Variants in PPP3CA observed in about 807,000 individuals in gnomAD.
The protein encoded by PPP3CA is CAM-PRP catalytic subunit.
Under a neutral mutation model 66.5 loss-of-function variants are expected in PPP3CA, and 14 were observed. The ratio of observed to expected loss-of-function variants is 0.21; its 90% CI spans 0.14 to 0.33. The LOEUF (loss-of-function observed/expected upper bound fraction) is 0.33. Ranked by LOEUF, PPP3CA falls within the 10% of genes least tolerant of loss-of-function variation. PPP3CA has a pLI of 1.00. For synonymous variants in PPP3CA, 232 were observed against 226.2 expected, an observed-to-expected ratio of 1.03 and a Z score of -0.23; for missense variants, 317 against 639.5, an observed-to-expected ratio of 0.50 and a Z score of 5.44.
intron 10 of PPP3CA, among the ~76,000 whole-genome samples, chr4:101,052,606 A>T (rs548368920): frequency 1.3e-5 from 2 of 150,816 alleles, no homozygotes; most frequent in African/African-American, 2.4e-5. Flanking sequence ...GGAAAACAAT[A>T]AAAAAAAAGC....
rs186365712 is a variant in PPP3CA at position 101,222,019 on chromosome 4, G to A, written c.59-25903C>T. On this transcript the variant is annotated intron_variant, in intron 1 of 13. Transcript: ENST00000394854. ...TTAACTTGTTTTTGTTTTCTTTAAC[G>A]ATCTATTGAATTTTTCTTATTACTT... Among the ~76,000 whole-genome samples the A allele has an allele frequency of 2.0e-5, 3 of 151,456 alleles. No homozygotes were observed. The South Asian group carries it at 6.2e-4, about 31-fold the overall frequency.
chr4:101,093,138 T>G (rs1396630137), intron 6 of PPP3CA, among the ~76,000 whole-genome samples: 1 of 152,202 alleles, frequency 6.6e-6, no homozygotes. Flanking sequence ...TTTTTAATGA[T>G]CGCCATTCTA....
At chr4:101,214,483 T>C (rs1725399204) in intron 1 of PPP3CA, among the ~76,000 whole-genome samples, 2 of 152,208 alleles carry the variant, frequency 1.3e-5, no homozygotes, top group South Asian at 2.1e-4. Flanking sequence ...AGTTGTGAGT[T>C]ACCAGAAAAA....
At chr4:101,186,656 G>A (rs536367230) in intron 2 of PPP3CA, among the ~76,000 whole-genome samples, 9 of 151,500 alleles carry the variant, frequency 5.9e-5, no homozygotes, top group African/African-American at 1.2e-4. Context: ...ATTTTCTTTC[G>A]AATTAAAACT....
At chr4:101,312,196 A>T (rs1728743325) in intron 1 of PPP3CA, among the ~76,000 whole-genome samples, 1 of 152,174 alleles carries the variant, frequency 6.6e-6, no homozygotes. Context: ...GCATATATGT[A>T]TTATATAATG....
intron 2 of PPP3CA, among the ~76,000 whole-genome samples, chr4:101,185,327 C>A (rs1416825088): frequency 6.6e-6 from 1 of 152,216 alleles, no homozygotes. Flanking sequence ...GGAGGACCAA[C>A]AGGAACTGAG....
At position 101,252,435 on chromosome 4, in the gene PPP3CA, T is replaced by C. The variant is rs894152022; in HGVS notation, c.59-56319A>G. 3.9e-4 allele frequency among the ~76,000 whole-genome samples: 60 copies of C among 152,200 alleles called. 1 individual carries two copies. Among genetic ancestry groups the C allele is most frequent in the African/African-American group, 1.4e-3 (58 of 41,450 alleles). Reference sequence around the variant, plus strand: ...ATTGTCATTGTGTCTTATCTTTTTTTCTGATTTATATGTGATTTTTCTCCC... The same window carrying C: ...ATTGTCATTGTGTCTTATCTTTTTTCCTGATTTATATGTGATTTTTCTCCC... On this transcript the variant is annotated intron_variant, in intron 1 of 13. Transcript: ENST00000394854.
At chr4:101,228,740 A>T (rs1305077481) in intron 1 of PPP3CA, among the ~76,000 whole-genome samples, 2 of 151,662 alleles carry the variant, frequency 1.3e-5, no homozygotes, top group African/African-American at 4.8e-5. Flanking sequence ...GGAACCTAAT[A>T]GAAGTGAACT....
intron 8 of PPP3CA, among the ~76,000 whole-genome samples, chr4:101,074,232 C>A (rs1346818149): frequency 1.3e-5 from 2 of 152,110 alleles, no homozygotes; most frequent in African/African-American, 4.8e-5. Context: ...GTGGTGGAAA[C>A]AGATATGCTA....
chr4:101,255,632 A>G (rs1236570133), intron 1 of PPP3CA, among the ~76,000 whole-genome samples: 2 of 151,942 alleles, frequency 1.3e-5, no homozygotes, highest in Non-Finnish European at 1.5e-5. Flanking sequence ...ACCAAAAGTA[A>G]GTAAATTCTG....
intron 10 of PPP3CA, among the ~76,000 whole-genome samples, chr4:101,049,383 A>G (rs932297426): frequency 1.3e-5 from 2 of 152,162 alleles, no homozygotes; most frequent in African/African-American, 2.4e-5. Flanking sequence ...TTTACCAAGG[A>G]AGCAATTAAG....
chr4:101,198,781 T>C lies in PPP3CA; in HGVS notation c.59-2665A>G, dbSNP rs181771113. ...CCAAGATCACTGCAATAACAGATGC[T>C]CCACCCTCCACTGCAGATCTTTTAC... On this transcript the variant is annotated intron_variant, in intron 1 of 13. Transcript: ENST00000394854. 5.9e-3 allele frequency among the ~76,000 whole-genome samples: 899 copies of C among 152,262 alleles called. 5 individuals are homozygous for C. Among genetic ancestry groups the C allele is most frequent in the Non-Finnish European group, 9.2e-3 (625 of 68,016 alleles).
At chr4:101,259,350 T>C (rs376414812) in intron 1 of PPP3CA, among the ~76,000 whole-genome samples, 1 of 88,718 alleles carries the variant, frequency 1.1e-5, no homozygotes, top group East Asian at 2.2e-4. Flanking sequence ...CATTCATTCA[T>C]TCAGCAAGCA....
intron 1 of PPP3CA, among the ~76,000 whole-genome samples, chr4:101,280,504 G>A (rs923075464): frequency 6.6e-6 from 1 of 152,090 alleles, no homozygotes; most frequent in East Asian, 1.9e-4. Flanking sequence ...AGGCACTGAG[G>A]AAAGATTCAA....
chr4:101,057,541 G>A (rs994386433), intron 10 of PPP3CA, among the ~76,000 whole-genome samples: 7 of 152,076 alleles, frequency 4.6e-5, no homozygotes, highest in South Asian at 2.1e-4. Flanking sequence ...TGTTCACACT[G>A]AACATGATCT....
intron 1 of PPP3CA, among the ~76,000 whole-genome samples, chr4:101,212,289 C>T (rs1005998526): frequency 1.4e-4 from 21 of 152,110 alleles, no homozygotes; most frequent in African/African-American, 5.1e-4. Flanking sequence ...ATAGCCTCAA[C>T]AGTGAGACCA....
intron 1 of PPP3CA, among the ~76,000 whole-genome samples, chr4:101,219,518 C>T (rs1470344146): frequency 6.6e-6 from 1 of 151,812 alleles, no homozygotes; most frequent in Non-Finnish European, 1.5e-5. Flanking sequence ...TTCTGTTTCA[C>T]CTAGCTTTCA....
rs1189637706 is a variant in PPP3CA, at chr4:101,023,515, T to G, written c.*2350A>C. On this transcript the variant is annotated 3_prime_UTR_variant, in exon 14 of 14. Transcript: ENST00000394854. ...GAAAGGAATCCAAAAAAATGAATTT[T>G]TTTTAGTCAGGATATTTTCTCTGCA... 2.0e-5 allele frequency: 3 copies of G among 152,230 alleles called. No individual in the cohort carries two copies. The East Asian group carries it at 5.8e-4, about 29-fold the overall frequency. 9.4% of individuals were successfully genotyped at this position (152,230 alleles called of 1,614,324 possible).
At chr4:101,182,465 G>T (rs1724268253) in intron 2 of PPP3CA, among the ~76,000 whole-genome samples, 1 of 152,030 alleles carries the variant, frequency 6.6e-6, no homozygotes, top group South Asian at 2.1e-4. Flanking sequence ...CACGATGGTG[G>T]GGAAAAACAA....
Sources: allele counts gnomAD v4.1 joint callset (sites outside exome capture counted in the v4.1 genomes callset), GRCh38; gene constraint gnomAD v4.1.1; transcripts MANE v1.5; gene names NCBI Gene and HGNC (gene_info 2026-07-23, HGNC 2026-07-21).